The following FUT8 variants were observed in gnomAD, a reference collection of about 807,000 sequenced individuals.
FUT8 encodes alpha-(1,6)-fucosyltransferase.
In FUT8, 29 loss-of-function variants were observed where a neutral mutation model predicts 71.3. The ratio of observed to expected loss-of-function variants is 0.41; its 90% CI spans 0.30 to 0.55. The LOEUF is 0.55. FUT8 is among the 20% of genes least tolerant of loss of function. The probability of loss-of-function intolerance (pLI) is 0.34; values close to 1 mark genes in which losing one functional copy is unlikely to be tolerated. For synonymous variants in FUT8, 254 were observed against 239.3 expected (o/e 1.06, Z -0.57); for missense variants, 544 against 702.1 (o/e 0.77, Z 2.55).
intron 6 of FUT8, among the ~76,000 whole-genome samples, chr14:65,641,226 G>T (rs1890813955): frequency 6.6e-6 from 1 of 152,146 alleles, no homozygotes; most frequent in Non-Finnish European, 1.5e-5. Context: ...TATCATTATA[G>T]ATGAGTTTGT....
chr14:65,368,442 G>T, the FUT8 span, among the ~76,000 whole-genome samples: 2 of 133,282 alleles, frequency 1.5e-5, 1 homozygote, highest in Non-Finnish European at 3.3e-5. Flanking sequence ...CTGGGTTCAA[G>T]CGATTCTCCT....
At chr14:65,495,505 T>G (rs2066545339) in intron 2 of FUT8, among the ~76,000 whole-genome samples, 1 of 152,146 alleles carries the variant, frequency 6.6e-6, no homozygotes, top group Admixed American at 6.6e-5. Flanking sequence ...GTATGGTCCA[T>G]TTGTATATTG....
chr14:65,514,074 A>G (rs954226089), intron 2 of FUT8, among the ~76,000 whole-genome samples: 1 of 152,368 alleles, frequency 6.6e-6, no homozygotes, highest in East Asian at 1.9e-4. Flanking sequence ...TAAGCTGGCT[A>G]AAACTGGCTT....
chr14:65,739,516 T>G (rs976169873), intron 10 of FUT8, among the ~76,000 whole-genome samples: 1 of 152,020 alleles, frequency 6.6e-6, no homozygotes, highest in Non-Finnish European at 1.5e-5. Flanking sequence ...GATGTTGTTT[T>G]TATGAGAGTA....
chr14:65,617,133 A>G, intron 5 of FUT8: 1 of 1,596,434 alleles, frequency 6.3e-7, no homozygotes, highest in Non-Finnish European at 8.5e-7. Flanking sequence ...CAATAAAAGA[A>G]AAATTGTTGT....
In FUT8 at chr14:65,616,270, T is replaced by A. The variant is rs1299475997; in HGVS notation, c.379T>A (p.Trp127Arg). ...GATTGAAAATGGAGCTAAAGAGCTC[T>A]GGTTTTTCCTACAGAGTGAATTGAA... Reference protein sequence around the residue: ...RRIENGAKELWFFLQSELKKL... With the variant: ...RRIENGAKELRFFLQSELKKL... Residue 127 changes from tryptophan (W) to arginine (R), a missense_variant, in exon 5 of 11, where the codon TGG (tryptophan) becomes AGG (arginine). Trp to Arg is a moderately radical substitution (Grantham distance 101). Coordinates refer to ENST00000673929, the MANE Select transcript of FUT8 (RefSeq NM_001371533.1). The A allele has an allele frequency of 2.5e-6, 4 of 1,613,104 alleles. No individual in the cohort carries two copies. The highest frequency in any genetic ancestry group is 3.4e-6 in the Non-Finnish European group (4 of 1,179,528).
chr14:65,629,930 A>G (rs1476715943), intron 6 of FUT8, among the ~76,000 whole-genome samples: 1 of 152,186 alleles, frequency 6.6e-6, no homozygotes, highest in Non-Finnish European at 1.5e-5. Context: ...AGTTTTGAGT[A>G]AGGAGACATC....
intron 2 of FUT8, among the ~76,000 whole-genome samples, chr14:65,532,417 G>A (rs961873137): frequency 1.3e-5 from 2 of 151,860 alleles, no homozygotes; most frequent in South Asian, 2.1e-4. Context: ...TCATATACTT[G>A]TTGGCTGTAT....
At chr14:65,614,398 A>G (rs1397893046) in intron 3 of FUT8, among the ~76,000 whole-genome samples, 2 of 152,226 alleles carry the variant, frequency 1.3e-5, no homozygotes, top group Admixed American at 1.3e-4. Context: ...AAGGATCAAT[A>G]TATGTACGTA....
chr14:65,497,793 G>A (rs1312572458), intron 2 of FUT8, among the ~76,000 whole-genome samples: 3 of 151,850 alleles, frequency 2.0e-5, no homozygotes, highest in Admixed American at 6.6e-5. Context: ...TGATTGTTGA[G>A]ACTATGAGTA....
chr14:65,452,670 G>C (rs1361950757), intron 1 of FUT8, among the ~76,000 whole-genome samples: 1 of 152,206 alleles, frequency 6.6e-6, no homozygotes, highest in Admixed American at 6.5e-5. Context: ...ATACATGCCT[G>C]TAAGGAAACT....
At chr14:65,405,360 A>T in the FUT8 span, among the ~76,000 whole-genome samples, 10 of 152,228 alleles carry the variant, frequency 6.6e-5, no homozygotes, top group African/African-American at 2.4e-4. Flanking sequence ...AAAAATGAGA[A>T]AAGATATAGG....
At chr14:65,411,253 G>A (rs2065120328), upstream of FUT8, 1 of 150,142 alleles carries the variant, frequency 6.7e-6, no homozygotes, top group Non-Finnish European at 1.5e-5. Context: ...TCTTCTGTGT[G>A]ATCTTGGACA....
At position 65,660,657 on chromosome 14, in the gene FUT8, G is replaced by T. The variant is rs536497620; in HGVS notation, c.598-8586G>T. Among the ~76,000 whole-genome samples the T allele has an allele frequency of 6.6e-6, 1 of 152,270 alleles. No homozygotes were observed. Among genetic ancestry groups the T allele is most frequent in the East Asian group, 1.9e-4 (1 of 5,176 alleles). ...ACAGATTAGATTGTTCTTTGCTAGA[G>T]GGGTGGAAAGGATGCCTTAGTACAG... is the stretch of plus-strand genomic sequence containing the variant. On this transcript the variant is annotated intron_variant, in intron 6 of 10. Coordinates refer to ENST00000673929, the MANE Select transcript of FUT8 (RefSeq NM_001371533.1). This position sits in a 1 kb window ranked among gnomAD's most constrained non-coding sequence, Gnocchi z 4.1.
intron 2 of FUT8, among the ~76,000 whole-genome samples, chr14:65,501,799 C>A (rs757425371): frequency 7.9e-5 from 12 of 152,106 alleles, no homozygotes; most frequent in Non-Finnish European, 1.8e-4. Flanking sequence ...CCCAGATATT[C>A]TTAATGCTGA....
chr14:65,484,808 ACT>A (rs2066384765), intron 2 of FUT8, among the ~76,000 whole-genome samples: 1 of 152,180 alleles, frequency 6.6e-6, no homozygotes, highest in East Asian at 1.9e-4. Context: ...CCCACAGTTC[ACT>A]GATGCTCTTT....
At chr14:65,705,445 A>C (rs1007882449) in intron 7 of FUT8, among the ~76,000 whole-genome samples, 9 of 152,184 alleles carry the variant, frequency 5.9e-5, no homozygotes, top group Non-Finnish European at 1.3e-4. Context: ...TGTCCAAGTT[A>C]AATTTAAAAA....
At chr14:65,635,432 G>A (rs1256574651) in intron 6 of FUT8, among the ~76,000 whole-genome samples, 1 of 152,154 alleles carries the variant, frequency 6.6e-6, no homozygotes, top group Non-Finnish European at 1.5e-5. Context: ...CACAGGGAAT[G>A]CTTTCAACTT....
chr14:65,701,695 T>C (rs906726839), intron 7 of FUT8, among the ~76,000 whole-genome samples: 3 of 152,226 alleles, frequency 2.0e-5, no homozygotes, highest in African/African-American at 7.2e-5. Context: ...AAGCCACAAT[T>C]CACATCCACT....
Sources: gnomAD v4.1 joint callset for allele counts (sites outside exome capture counted in the v4.1 genomes callset) on GRCh38, gnomAD v4.1.1 for gene constraint, Gnocchi (gnomAD v3.1) non-coding constraint, MANE v1.5 for transcripts, NCBI Gene and HGNC (gene_info 2026-07-23, HGNC 2026-07-21) for gene names.